The following ZBTB49 variants were observed in gnomAD, a reference collection of about 807,000 sequenced individuals.
ZBTB49 encodes zinc finger and BTB domain-containing protein 49.
Under a neutral mutation model 57.5 loss-of-function variants are expected in ZBTB49, and 43 were observed. That is an observed-to-expected ratio of 0.75 (90% CI 0.59 to 0.97). The LOEUF is 0.97. Among genes scored for constraint, ZBTB49 ranks in the 50% least tolerant of loss-of-function variants. ZBTB49 has a pLI of 0.00. For missense variants in ZBTB49, 938 were observed against 947.7 expected (o/e 0.99, Z 0.13); for synonymous variants, 369 against 362.1 (o/e 1.02, Z -0.22).
intron 1 of ZBTB49, among the ~76,000 whole-genome samples, chr4:4,292,218 T>A (rs2108863014): frequency 6.6e-6 from 1 of 151,914 alleles, no homozygotes; most frequent in Middle Eastern, 3.4e-3. Flanking sequence ...GAGGTGGAGG[T>A]TGCACTGAGC....
In ZBTB49 at chr4:4,321,657, T is replaced by C. The variant is rs868451608; in HGVS notation, c.*341T>C. ...TGTGAAAGGAATTATATATGTATAG[T>C]ATTACAAGTATTTTTGCATTTTTAC... is the stretch of plus-strand genomic sequence containing the variant. On this transcript the variant is annotated 3_prime_UTR_variant, in exon 8 of 8. Coordinates refer to ENST00000337872, the MANE Select transcript of ZBTB49 (RefSeq NM_145291.4). 6.8e-5 allele frequency: 16 copies of C among 236,142 alleles called. No homozygotes were observed. The highest frequency in any genetic ancestry group is 3.7e-4 in the African/African-American group (16 of 43,604). 14.6% of individuals were successfully genotyped at this position (236,142 alleles called of 1,614,324 possible). A position where few individuals can be genotyped will look rare whatever the true frequency, so the allele number is the denominator to read the frequency against.
chr4:4,312,139 A>G (rs1353403731), intron 4 of ZBTB49, among the ~76,000 whole-genome samples: 1 of 152,122 alleles, frequency 6.6e-6, no homozygotes, highest in Non-Finnish European at 1.5e-5. Context: ...CGCTGGGTAT[A>G]TTACCTCATT....
chr4:4,316,102 A>G, intron 7 of ZBTB49, 132 bp downstream of exon 7: 1 of 1,187,326 alleles, frequency 8.4e-7, no homozygotes, highest in Non-Finnish European at 1.2e-6. Flanking sequence ...GCCTCACATG[A>G]TCTCTCATTC....
At chr4:4,300,289 A>G (rs1446632342) in intron 2 of ZBTB49, among the ~76,000 whole-genome samples, 192 bp downstream of exon 2, 1 of 152,196 alleles carries the variant, frequency 6.6e-6, no homozygotes, top group Non-Finnish European at 1.5e-5. Flanking sequence ...TGTTTAGAGT[A>G]ACCTGAAAAG....
In ZBTB49 at chr4:4,299,949, G is replaced by T; in HGVS notation, c.4G>T (p.Asp2Tyr). 1 of 1,614,088 alleles carries T rather than the reference G, an allele frequency of 6.2e-7. No individual in the cohort carries two copies. Among genetic ancestry groups the T allele is most frequent in the South Asian group, 1.1e-5 (1 of 91,078 alleles). Residue 2 changes from aspartate (D) to tyrosine (Y), a missense_variant, in exon 2 of 8, where the codon GAC becomes TAC. Physicochemically the swap from Asp to Tyr is radical, Grantham distance 160. Coordinates refer to ENST00000337872, the MANE Select transcript of ZBTB49 (RefSeq NM_145291.4). ...TAGGTCACCTGAATGGTTGAGCATG[G>T]ACCCTGTTGCTACCCACAGCTGCCA... M[D>Y]PVATHSCHLL...
At chr4:4,303,760 C>CTCTCTCTGTGTGTG (rs1223289249) in intron 3 of ZBTB49, among the ~76,000 whole-genome samples, 4 of 121,414 alleles carry the variant, frequency 3.3e-5, no homozygotes, top group South Asian at 2.7e-4. Context: ...CTCTCTCTCT[C>CTCTCTCTGTGTGTG]TGTGTGTGTG....
intron 3 of ZBTB49, among the ~76,000 whole-genome samples, chr4:4,304,225 A>ATTT (rs35865014): frequency 2.2e-5 from 3 of 135,682 alleles, no homozygotes; most frequent in South Asian, 2.3e-4. Context: ...GATTACTGCA[A>ATTT]TTTTTTTTTT....
intron 3 of ZBTB49, among the ~76,000 whole-genome samples, chr4:4,303,983 C>T (rs989216108): frequency 9.2e-5 from 14 of 152,038 alleles, no homozygotes; most frequent in Non-Finnish European, 5.9e-5. Flanking sequence ...GTTGATGTGA[C>T]CTTCTGTTAT....
chr4:4,321,017 CAGG>C lies in ZBTB49; in HGVS notation c.2002_2004del (p.Glu668del). 6.2e-7 allele frequency: 1 copy of C among 1,614,140 alleles called. No individual in the cohort carries two copies. The highest frequency in any genetic ancestry group is 2.2e-5 in the East Asian group (1 of 44,870). Reference sequence around the variant, plus strand: ...GATCCAACCTCATGGAGTTAGTGACCAGGAGAAGCTGAGTTTGGATCCTGGTAA... The same window carrying C: ...GATCCAACCTCATGGAGTTAGTGACCAGAAGCTGAGTTTGGATCCTGGTAA... On this transcript the variant is annotated inframe_deletion, in exon 8 of 8. Coordinates refer to ENST00000337872, the MANE Select transcript of ZBTB49 (RefSeq NM_145291.4).
At chr4:4,301,962 G>A in intron 2 of ZBTB49, 27 bp from the exon 3 acceptor site, 2 of 1,483,728 alleles carry the variant, frequency 1.3e-6, no homozygotes, top group Non-Finnish European at 1.8e-6. Context: ...TTTTGGCACT[G>A]TAAACAGATA....
chr4:4,299,777 G>T (rs2980170), intron 1 of ZBTB49, 150 bp from the exon 2 acceptor site: 30,308 of 139,858 alleles, frequency 0.22, 3,304 homozygotes, highest in East Asian at 0.53. Context: ...AGAAACAGAG[G>T]TGTGTGTGTG....
chr4:4,302,614 A>T lies in ZBTB49; in HGVS notation c.778A>T (p.Ser260Cys). Residue 260 changes from serine to cysteine, a missense_variant, in exon 3 of 8, where the codon AGT (serine) becomes TGT (cysteine). By Grantham distance (112) the Ser-to-Cys change is moderately radical. Transcript: ENST00000337872. ...TTVESQPCAV[S>C]HSECILESPE... Reference sequence around the variant, plus strand: ...GGTAGAGAGCCAGCCTTGTGCCGTCAGTCATTCTGAATGCATCCTGGAGTC... The same window carrying T: ...GGTAGAGAGCCAGCCTTGTGCCGTCTGTCATTCTGAATGCATCCTGGAGTC... 6.2e-7 allele frequency: 1 copy of T among 1,613,148 alleles called. No homozygotes were observed.
At chr4:4,310,150 A>G (rs1303068902) in intron 4 of ZBTB49, among the ~76,000 whole-genome samples, 1 of 152,270 alleles carries the variant, frequency 6.6e-6, no homozygotes, top group Non-Finnish European at 1.5e-5. Context: ...TGCTGAAGGC[A>G]GATGTTAATT....
chr4:4,305,629 G>C (rs764004638), intron 3 of ZBTB49, among the ~76,000 whole-genome samples: 38 of 152,184 alleles, frequency 2.5e-4, no homozygotes, highest in Non-Finnish European at 5.0e-4. Context: ...ACTTTCTCTC[G>C]TGAGAACCAA....
At chr4:4,299,776 G>GGTGTGT (rs33911857) in intron 1 of ZBTB49, among the ~76,000 whole-genome samples, 151 bp from the exon 2 acceptor site, 2,870 of 103,636 alleles carry the variant, frequency 0.028, 57 homozygotes, top group East Asian at 0.084. Flanking sequence ...CAGAAACAGA[G>GGTGTGT]GTGTGTGTGT....
intron 5 of ZBTB49, among the ~76,000 whole-genome samples, chr4:4,313,911 C>T (rs1721080902): frequency 6.6e-6 from 1 of 152,158 alleles, no homozygotes; most frequent in South Asian, 2.1e-4. Flanking sequence ...TTTTTAGACA[C>T]CTGCTGTATG....
chr4:4,307,246 A>G (rs1320160802), intron 4 of ZBTB49, among the ~76,000 whole-genome samples: 2 of 152,144 alleles, frequency 1.3e-5, no homozygotes, highest in Non-Finnish European at 2.9e-5. Context: ...TCTCCCATCC[A>G]GGAGAACACC....
At chr4:4,305,267 C>A (rs1030741546) in intron 3 of ZBTB49, among the ~76,000 whole-genome samples, 1 of 152,042 alleles carries the variant, frequency 6.6e-6, no homozygotes, top group Admixed American at 6.6e-5. Flanking sequence ...TAGCAAGCTG[C>A]TTTCTTCAAG....
intron 4 of ZBTB49, among the ~76,000 whole-genome samples, chr4:4,309,834 A>G (rs2108889726): frequency 6.6e-6 from 1 of 152,326 alleles, no homozygotes; most frequent in South Asian, 2.1e-4. Flanking sequence ...CCACACCTTT[A>G]CCGTTGAATG....
Sources: allele counts gnomAD v4.1 joint callset (sites outside exome capture counted in the v4.1 genomes callset), GRCh38; gene constraint gnomAD v4.1.1; transcripts MANE v1.5; gene names NCBI Gene and HGNC (gene_info 2026-07-23, HGNC 2026-07-21).